CHRM3: variants seen among roughly 807,000 people sequenced by gnomAD.
CHRM3 encodes cholinergic receptor muscarinic 3.
Under a neutral mutation model 41.8 loss-of-function variants are expected in CHRM3, and 11 were observed. That is an observed-to-expected ratio of 0.26 (90% CI 0.17 to 0.44). CHRM3 has a LOEUF of 0.44. CHRM3 is among the 20% of genes least tolerant of loss of function. The pLI is 1.00. For missense variants in CHRM3, 571 were observed against 745.4 expected, an observed-to-expected ratio of 0.77 and a Z score of 2.72; for synonymous variants, 297 against 301.4, an observed-to-expected ratio of 0.99 and a Z score of 0.15.
rs148746032 is a variant in CHRM3 at position 239,729,582 on chromosome 1, G to A, written c.-147+51294G>A. 3.3e-5 allele frequency among the ~76,000 whole-genome samples: 5 copies of A among 152,008 alleles called. No homozygotes were observed. The East Asian group carries it at 7.8e-4, about 24-fold the overall frequency. On this transcript the variant is annotated intron_variant, in intron 5 of 6. Transcript: ENST00000676153. ...AAAATTTGAACTGTGGAAAAATTGT[G>A]CCCACCACAATGAGCTGGACAACTT...
chr1:239,823,193 A>C (rs1301592849), intron 5 of CHRM3, among the ~76,000 whole-genome samples: 1 of 152,206 alleles, frequency 6.6e-6, no homozygotes, highest in Non-Finnish European at 1.5e-5. Context: ...ATCTTATCTG[A>C]TCATCAAGAA....
At chr1:239,596,351 A>T (rs1330050268) in intron 3 of CHRM3, among the ~76,000 whole-genome samples, 2 of 151,538 alleles carry the variant, frequency 1.3e-5, no homozygotes, top group Non-Finnish European at 2.9e-5. Context: ...GTTTTATTTA[A>T]TTTTTTTTTA....
chr1:239,818,285 G>A (rs1428063080), intron 5 of CHRM3, among the ~76,000 whole-genome samples: 1 of 152,108 alleles, frequency 6.6e-6, no homozygotes, highest in Non-Finnish European at 1.5e-5. Flanking sequence ...CCAACCTTGG[G>A]ACTTCATTTA....
At chr1:239,595,842 A>G (rs1313431543) in intron 3 of CHRM3, among the ~76,000 whole-genome samples, 1 of 152,110 alleles carries the variant, frequency 6.6e-6, no homozygotes, top group Non-Finnish European at 1.5e-5. Flanking sequence ...TTATTTTAGT[A>G]TTTATTTCTT....
intron 5 of CHRM3, among the ~76,000 whole-genome samples, chr1:239,788,041 C>A (rs895758571): frequency 6.6e-6 from 1 of 151,928 alleles, no homozygotes. Flanking sequence ...AAAAGACTAG[C>A]CTGGGCAACA....
chr1:239,589,875 T>C (rs552728157), intron 3 of CHRM3, among the ~76,000 whole-genome samples: 82 of 151,938 alleles, frequency 5.4e-4, no homozygotes, highest in African/African-American at 1.9e-3. Flanking sequence ...AAGTCCACAA[T>C]AGATGCATGA....
chr1:239,496,585 C>A (rs1293363244), intron 2 of CHRM3, among the ~76,000 whole-genome samples: 2 of 150,694 alleles, frequency 1.3e-5, no homozygotes, highest in Non-Finnish European at 2.9e-5. Flanking sequence ...CAATGACAAC[C>A]TTTGTCTCAT....
At chr1:239,557,564 C>A (rs1278875809) in intron 3 of CHRM3, among the ~76,000 whole-genome samples, 1 of 152,106 alleles carries the variant, frequency 6.6e-6, no homozygotes, top group East Asian at 1.9e-4. Flanking sequence ...TGCTTTGCTG[C>A]ACCTGTCAAC....
intron 5 of CHRM3, chr1:239,727,548 G>T (rs1052038446): frequency 5.3e-5 from 8 of 151,840 alleles, no homozygotes; most frequent in African/African-American, 1.7e-4. Flanking sequence ...TAATTTAATT[G>T]GGCATTCTGC....
At chr1:239,751,238 C>CAA (rs11298801) in intron 5 of CHRM3, among the ~76,000 whole-genome samples, 32 of 70,998 alleles carry the variant, frequency 4.5e-4, no homozygotes, top group Non-Finnish European at 9.0e-4. Context: ...AACTTCATCT[C>CAA]AAAAAAAAAA....
At chr1:239,767,843 GT>G (rs1279151103) in intron 5 of CHRM3, among the ~76,000 whole-genome samples, 1 of 151,980 alleles carries the variant, frequency 6.6e-6, no homozygotes, top group African/African-American at 2.4e-5. Context: ...GTTTCCTCAG[GT>G]TTTTTTCTGC....
intron 2 of CHRM3, among the ~76,000 whole-genome samples, chr1:239,508,789 G>A (rs978472140): frequency 6.6e-6 from 1 of 152,146 alleles, no homozygotes; most frequent in Admixed American, 6.6e-5. Context: ...GACTAGTTAT[G>A]TTGTTAAATG....
intron 4 of CHRM3, among the ~76,000 whole-genome samples, chr1:239,640,646 C>T (rs12046893): frequency 0.6 from 88,264 of 146,002 alleles, 27,071 homozygotes; most frequent in East Asian, 0.83. Context: ...TCTATTTGAT[C>T]CTTCTCTCTT....
At chr1:239,524,568 A>G (rs1176211295) in intron 2 of CHRM3, among the ~76,000 whole-genome samples, 1 of 152,158 alleles carries the variant, frequency 6.6e-6, no homozygotes, top group African/African-American at 2.4e-5. Flanking sequence ...TCATTGTTCT[A>G]TAGAATTAGA....
At chr1:239,391,007 G>A (rs150751270) in intron 1 of CHRM3, among the ~76,000 whole-genome samples, 16 of 152,148 alleles carry the variant, frequency 1.1e-4, no homozygotes, top group East Asian at 1.9e-4. Context: ...GCATGGTGGC[G>A]TGCACCTGTA....
At chr1:239,713,125 G>A (rs1014939575) in intron 5 of CHRM3, among the ~76,000 whole-genome samples, 12 of 152,096 alleles carry the variant, frequency 7.9e-5, no homozygotes, top group East Asian at 3.9e-4. Flanking sequence ...ATTTCTGTGC[G>A]GTAGAAGACA....
intron 3 of CHRM3, among the ~76,000 whole-genome samples, chr1:239,555,961 G>C (rs1056646859): frequency 2.0e-5 from 3 of 152,284 alleles, no homozygotes; most frequent in Admixed American, 2.0e-4. Flanking sequence ...TTTCGAACTA[G>C]AAAGTAAATC....
intron 5 of CHRM3, among the ~76,000 whole-genome samples, chr1:239,817,540 G>A (rs968722504): frequency 8.6e-5 from 13 of 152,020 alleles, no homozygotes; most frequent in African/African-American, 2.9e-4. Context: ...GCATGAGGAA[G>A]CTTCCCACGG....
chr1:239,413,085 A>G (rs969455283), intron 1 of CHRM3, among the ~76,000 whole-genome samples: 8 of 53,450 alleles, frequency 1.5e-4, no homozygotes, highest in African/African-American at 5.5e-4. Context: ...TCAAAAAACA[A>G]AAACAAAAAT....
Sources: allele counts gnomAD v4.1 joint callset (sites outside exome capture counted in the v4.1 genomes callset), GRCh38; gene constraint gnomAD v4.1.1; transcripts MANE v1.5; gene names NCBI Gene and HGNC (gene_info 2026-07-23, HGNC 2026-07-21).